Variants in IRS1 observed in about 807,000 individuals in gnomAD.
The protein encoded by IRS1 is insulin receptor substrate 1.
A neutral mutation model predicts 65.6 loss-of-function variants in IRS1; 34 were observed. That is an observed-to-expected ratio of 0.52 (90% confidence interval 0.39 to 0.69). The LOEUF is 0.69. IRS1 is among the 30% of genes least tolerant of loss of function. The probability of loss-of-function intolerance (pLI) is 0.00; values close to 1 mark genes in which losing one functional copy is unlikely to be tolerated. For missense variants in IRS1, 1,641 were observed against 1,720.2 expected (o/e 0.95, Z 0.81); for synonymous variants, 699 against 683.5 (o/e 1.02, Z -0.35).
At chr2:226,765,636 C>T (rs781762240) in intron 1 of IRS1, among the ~76,000 whole-genome samples, 4 of 152,164 alleles carry the variant, frequency 2.6e-5, no homozygotes, top group Admixed American at 1.3e-4. Flanking sequence ...TACTCAACAG[C>T]TGGCCTCACA....
At position 226,798,815 on chromosome 2, in the gene IRS1, C is replaced by G; in HGVS notation, c.-77G>C. On this transcript the variant is annotated 5_prime_UTR_variant, in exon 1 of 2. Coordinates refer to ENST00000305123, the MANE Select transcript of IRS1 (RefSeq NM_005544.3). This position sits in a 1 kb window ranked among gnomAD's most constrained non-coding sequence, Gnocchi z 9.4. ...CGGGTGGGGGGCGGAGGCTCCTCGC[C>G]GCGGCCCGGCACATGCAAACAGGGC... The G allele has an allele frequency of 6.4e-7, 1 of 1,552,636 alleles. No individual in the cohort carries two copies. The highest frequency in any genetic ancestry group is 1.2e-5 in the South Asian group (1 of 85,248).
Position 226,795,213 on chromosome 2 carries a change from C to A in IRS1, c.3526G>T (p.Gly1176Cys). ...LCGAAGGLEN[G>C]LNYIDLDLVK... ...AAATCCAGGTCTATGTAGTTAAGACCATTCTCCAAACCCCCAGCAGCCCCA... is the reference window on the plus strand; with the variant it reads ...AAATCCAGGTCTATGTAGTTAAGACAATTCTCCAAACCCCCAGCAGCCCCA... The change falls in exon 1 of 2, where the codon GGT becomes TGT. Residue 1176 changes from glycine to cysteine, a missense_variant. Gly to Cys is a radical substitution (Grantham distance 159). Coordinates refer to ENST00000305123, the MANE Select transcript of IRS1 (RefSeq NM_005544.3). 1.2e-6 allele frequency: 2 copies of A among 1,614,038 alleles called. No individual in the cohort carries two copies. The highest frequency in any genetic ancestry group is 1.1e-5 in the South Asian group (1 of 91,074).
rs1302129293 is a variant in IRS1 at position 226,796,268 on chromosome 2, C to T, written c.2471G>A (p.Arg824Lys). The T allele has an allele frequency of 1.2e-6, 2 of 1,613,402 alleles. No individual in the cohort carries two copies. Among genetic ancestry groups the T allele is most frequent in the South Asian group, 2.2e-5 (2 of 91,094 alleles). The change falls in exon 1 of 2, where the codon AGG becomes AAG. Residue 824 changes from arginine (R) to lysine (K), a missense_variant. Around this residue, in one of 3 missense-constraint regions of IRS1, gnomAD observed 1,324 missense variants for 1,361.0 expected, o/e 0.97. Coordinates refer to ENST00000305123, the MANE Select transcript of IRS1 (RefSeq NM_005544.3). ...GGGATGTGGAAGGCTGGGCTCCAGC[C>T]TAGCCCCGCAGTATCCCCCACCCAG... ...DSLGGGYCGARLEPSLPHPHH... is the reference protein window; with the variant it reads ...DSLGGGYCGAKLEPSLPHPHH...
chr2:226,768,434 T>C (rs1013388370), intron 1 of IRS1, among the ~76,000 whole-genome samples: 1 of 152,178 alleles, frequency 6.6e-6, no homozygotes, highest in Non-Finnish European at 1.5e-5. Flanking sequence ...GTTGCATTGA[T>C]ACAAATATAT....
chr2:226,789,130 T>C (rs936784244), intron 1 of IRS1, among the ~76,000 whole-genome samples: 8 of 152,252 alleles, frequency 5.3e-5, no homozygotes, highest in Non-Finnish European at 1.0e-4. Flanking sequence ...AACTGTGAAA[T>C]GTTCCAATAT....
In IRS1 at chr2:226,798,981, G is replaced by A. The variant is rs1939828066; in HGVS notation, c.-243C>T. On this transcript the variant is annotated 5_prime_UTR_variant, in exon 1 of 2. Transcript: ENST00000305123. The surrounding 1 kb of genome is among the most constrained non-coding windows in gnomAD (Gnocchi z 9.4). ...GCGCTTCACGCCCGGCGGGGAGGCA[G>A]TGCGTCCGGGGTGAGGGCAGCCCCG... 6 of 1,439,570 alleles carry A rather than the reference G, an allele frequency of 4.2e-6. No individual in the cohort carries two copies. Among genetic ancestry groups the A allele is most frequent in the Non-Finnish European group, 5.5e-6 (6 of 1,094,682 alleles). 89.2% of individuals were successfully genotyped at this position (1,439,570 alleles called of 1,614,324 possible).
intron 1 of IRS1, among the ~76,000 whole-genome samples, chr2:226,792,813 C>CT (rs112948270): frequency 2.1e-3 from 315 of 152,326 alleles, no homozygotes; most frequent in African/African-American, 7.0e-3. Context: ...GGTCTGACTT[C>CT]TGTCTGTTTC....
intron 1 of IRS1, among the ~76,000 whole-genome samples, chr2:226,766,735 G>C (rs1431756192): frequency 6.6e-6 from 1 of 152,156 alleles, no homozygotes; most frequent in Non-Finnish European, 1.5e-5. Flanking sequence ...GAAGTGCTTA[G>C]TTCATTAGTG....
intron 1 of IRS1, among the ~76,000 whole-genome samples, chr2:226,781,733 C>T (rs1436123295): frequency 2.0e-5 from 3 of 152,090 alleles, no homozygotes; most frequent in Non-Finnish European, 2.9e-5. Context: ...TTCTGAAGGT[C>T]GGCCTCTGTA....
At chr2:226,736,933 T>C (rs745683238) in intron 1 of IRS1, among the ~76,000 whole-genome samples, 1 of 149,352 alleles carries the variant, frequency 6.7e-6, no homozygotes, top group Non-Finnish European at 1.5e-5. Context: ...GTGAAGACTC[T>C]TTTTTTTTTA....
intron 1 of IRS1, among the ~76,000 whole-genome samples, chr2:226,742,189 T>C (rs748625933): frequency 6.6e-6 from 1 of 152,082 alleles, no homozygotes. Flanking sequence ...CTGGGAAGTA[T>C]GGGGGCAAGC....
intron 1 of IRS1, among the ~76,000 whole-genome samples, chr2:226,742,726 A>AAAAAAAAAAAAAAAAG (rs1431863272): frequency 2.7e-4 from 40 of 147,882 alleles, no homozygotes; most frequent in Admixed American, 9.8e-4. Context: ...AAAAAAAAAA[A>AAAAAAAAAAAAAAAAG]AGAAGACCGA....
chr2:226,791,182 C>G (rs542197517), intron 1 of IRS1, among the ~76,000 whole-genome samples: 64 of 152,226 alleles, frequency 4.2e-4, no homozygotes, highest in Admixed American at 3.3e-3. Context: ...CCCCCATGAC[C>G]CAAAACGATG....
chr2:226,766,163 A>ATATATATTT (rs58592685), intron 1 of IRS1, among the ~76,000 whole-genome samples: 1 of 4,598 alleles, frequency 2.2e-4, no homozygotes, highest in African/African-American at 5.5e-4. Flanking sequence ...ATATATATAT[A>ATATATATTT]TTTTTTTTTT....
chr2:226,789,058 A>G (rs1219670606), intron 1 of IRS1, among the ~76,000 whole-genome samples: 1 of 152,256 alleles, frequency 6.6e-6, no homozygotes, highest in Non-Finnish European at 1.5e-5. Flanking sequence ...ATTTCCAGTA[A>G]CTTTGTAACA....
chr2:226,768,335 CAT>C (rs1559152597), intron 1 of IRS1, among the ~76,000 whole-genome samples: 1 of 152,218 alleles, frequency 6.6e-6, no homozygotes, highest in African/African-American at 2.4e-5. Context: ...TGATTCACCA[CAT>C]AGTCTCTGTT....
At position 226,794,929 on chromosome 2, in the gene IRS1, G is replaced by T; in HGVS notation, c.*21+60C>A. 1 of 1,439,994 alleles carries T rather than the reference G, an allele frequency of 6.9e-7. No individual in the cohort carries two copies. The highest frequency in any genetic ancestry group is 9.7e-7 in the Non-Finnish European group (1 of 1,026,228). 89.2% of individuals were successfully genotyped at this position (1,439,994 alleles called of 1,614,324 possible). ...CAGGAAGGGGCAGAGGCGAAGAACA[G>T]AATTCAAGGACAAGGTTAAAAGCAG... On this transcript the variant is annotated intron_variant, in intron 1 of 1. Transcript: ENST00000305123. This position sits in a 1 kb window ranked among gnomAD's most constrained non-coding sequence, Gnocchi z 4.1.
rs573200584 is a variant in IRS1 at position 226,731,772 on chromosome 2, G to A, written c.*4500C>T. 1.5e-3 allele frequency: 223 copies of A among 152,012 alleles called. No individual in the cohort carries two copies. The highest frequency in any genetic ancestry group is 5.0e-3 in the African/African-American group (208 of 41,456). 9.4% of individuals were successfully genotyped at this position (152,012 alleles called of 1,614,324 possible). ...CCTGTAGCCAAGAGGTGTAAGGAAAGTACTTTGCAAGAAAAAATTGTTTTG... is the reference window on the plus strand; with the variant it reads ...CCTGTAGCCAAGAGGTGTAAGGAAAATACTTTGCAAGAAAAAATTGTTTTG... On this transcript the variant is annotated 3_prime_UTR_variant, in exon 2 of 2. Coordinates refer to ENST00000305123, the MANE Select transcript of IRS1 (RefSeq NM_005544.3).
rs2106184229 is a variant in IRS1 at position 226,795,050 on chromosome 2, G to A, written c.3689C>T (p.Ala1230Val). The part of the protein sequence containing the change: ...RRSSEDLSAY[A>V]SISFQKQPED... ...TGGCTGCTTCTGGAAACTGATGCTG[G>A]CATAGGCGCTTAAATCCTCACTTGA... The change falls in exon 1 of 2, where the codon GCC (alanine) becomes GTC (valine). Residue 1230 changes from alanine to valine, a missense_variant. This residue lies in a region of IRS1 where 1,324 missense variants were observed against 1,361.0 expected (regional missense o/e 0.97). Coordinates refer to ENST00000305123, the MANE Select transcript of IRS1 (RefSeq NM_005544.3). 1 of 1,610,790 alleles carries A rather than the reference G, an allele frequency of 6.2e-7. No individual in the cohort carries two copies.
Sources: gnomAD v4.1 joint callset for allele counts (sites outside exome capture counted in the v4.1 genomes callset) on GRCh38, gnomAD v4.1.1 for gene constraint, gnomAD v4.1.1 regional missense constraint, Gnocchi (gnomAD v3.1) non-coding constraint, MANE v1.5 for transcripts, NCBI Gene and HGNC (gene_info 2026-07-23, HGNC 2026-07-21) for gene names.